The following TESK2 variants were observed in gnomAD, a reference collection of about 807,000 sequenced individuals.
TESK2 encodes dual specificity testis-specific protein kinase 2.
In TESK2, 39 loss-of-function variants were observed where a neutral mutation model predicts 57.1. That is an observed-to-expected ratio of 0.68 (90% CI 0.53 to 0.89). The LOEUF (loss-of-function observed/expected upper bound fraction) is 0.89. Among genes scored for constraint, TESK2 ranks in the 40% least tolerant of loss-of-function variants. The pLI is 0.00. For missense variants in TESK2, 646 were observed against 732.1 expected (o/e 0.88, Z 1.36); for synonymous variants, 249 against 267.9 (o/e 0.93, Z 0.69).
rs374712554 is a variant in TESK2 at position 45,345,764 on chromosome 1, C to A, written c.997+113G>T. ...ACTTTCTGCATCATCTCCTTCCCCT[C>A]CCATTTGTTTCTGGACCTGGGATCC... is the stretch of plus-strand genomic sequence containing the variant. On this transcript the variant is annotated intron_variant, in intron 10 of 10. Coordinates refer to ENST00000372086, the MANE Select transcript of TESK2 (RefSeq NM_007170.3). 6.2e-5 allele frequency: 60 copies of A among 969,806 alleles called. 1 individual carries two copies. The African/African-American group carries it at 8.9e-4, about 14-fold the overall frequency. 60.1% of individuals were successfully genotyped at this position (969,806 alleles called of 1,614,324 possible).
rs780815123 is a variant in TESK2 at position 45,344,843 on chromosome 1, C to T, written c.1713G>A (p.Gly571=). The T allele has an allele frequency of 3.7e-6, 6 of 1,611,736 alleles. No homozygotes were observed. The highest frequency in any genetic ancestry group is 1.7e-5 in the Admixed American group (1 of 59,956). The change falls in exon 11 of 11, where the codon GGG becomes GGA. Residue 571 remains glycine, a synonymous_variant. Coordinates refer to ENST00000372086, the MANE Select transcript of TESK2 (RefSeq NM_007170.3). The part of the protein sequence containing the change: ...IGLQTQGKQD[G] The stretch of plus-strand genomic sequence containing the variant: ...GTGAGGCAGGGACTAAACCCCCTCA[C>T]CCATCCTGCTTTCCCTGGGTTTGCA...
At chr1:45,427,224 G>C (rs1650732428) in intron 2 of TESK2, among the ~76,000 whole-genome samples, 1 of 134,898 alleles carries the variant, frequency 7.4e-6, no homozygotes, top group African/African-American at 3.0e-5. Flanking sequence ...GCCTCAGCAA[G>C]ACTCTGTCTC....
chr1:45,345,949 G>C lies in TESK2; in HGVS notation c.925C>G (p.Leu309Val). 1 of 1,614,088 alleles carries C rather than the reference G, an allele frequency of 6.2e-7. No individual in the cohort carries two copies. Among genetic ancestry groups the C allele is most frequent in the Non-Finnish European group, 8.5e-7 (1 of 1,180,014 alleles). ...TGTAGGCGGCTCAGAATTTCCTCCAGGGTCTTCCCAATCTCCACAAAAGAT... is the reference window on the plus strand; with the variant it reads ...TGTAGGCGGCTCAGAATTTCCTCCACGGTCTTCCCAATCTCCACAAAAGAT... ...RPSFVEIGKT[L>V]EEILSRLQEE... is the part of the protein sequence containing the mutation. Residue 309 changes from leucine (L) to valine (V), a missense_variant, in exon 10 of 11, where the codon CTG becomes GTG. By Grantham distance (32) the Leu-to-Val change is conservative. Coordinates refer to ENST00000372086, the MANE Select transcript of TESK2 (RefSeq NM_007170.3).
At chr1:45,400,621 C>T (rs1400183143) in intron 3 of TESK2, among the ~76,000 whole-genome samples, 1 of 152,156 alleles carries the variant, frequency 6.6e-6, no homozygotes, top group Admixed American at 6.5e-5. Flanking sequence ...TGGTGGCATT[C>T]GCATTCAGTC....
At chr1:45,435,640 T>A (rs1267035970) in intron 2 of TESK2, among the ~76,000 whole-genome samples, 4 of 141,852 alleles carry the variant, frequency 2.8e-5, no homozygotes. Flanking sequence ...TTTTTTTTTT[T>A]AAGACCCAGA....
intron 2 of TESK2, among the ~76,000 whole-genome samples, chr1:45,430,613 G>A (rs914567008): frequency 2.6e-5 from 4 of 152,236 alleles, no homozygotes; most frequent in African/African-American, 9.6e-5. Flanking sequence ...GTTAGTTTGT[G>A]TTGTGAGAGA....
rs140861737 is a variant in TESK2 at position 45,448,370 on chromosome 1, G to A, written c.222+9194C>T. Among the ~76,000 whole-genome samples, 19 of 152,112 alleles carry A rather than the reference G, an allele frequency of 1.2e-4. No individual in the cohort carries two copies. The East Asian group carries it at 3.7e-3, about 29-fold the overall frequency. Reference sequence around the variant, plus strand: ...ATACTCAACATCATATGTTGTGTTAGGCCATACTTGCACTGCTATAAAGAA... The same window carrying A: ...ATACTCAACATCATATGTTGTGTTAAGCCATACTTGCACTGCTATAAAGAA... On this transcript the variant is annotated intron_variant, in intron 2 of 10. Transcript: ENST00000372086.
chr1:45,405,483 C>T (rs1649801514), intron 3 of TESK2, among the ~76,000 whole-genome samples: 2 of 151,496 alleles, frequency 1.3e-5, no homozygotes, highest in South Asian at 2.1e-4. Flanking sequence ...ATATCCCTCA[C>T]CGATTTCCTC....
chr1:45,348,309 C>T (rs1041851600), intron 5 of TESK2, among the ~76,000 whole-genome samples: 2 of 152,222 alleles, frequency 1.3e-5, no homozygotes, highest in Non-Finnish European at 2.9e-5. Flanking sequence ...ACAACCAAAA[C>T]CCTTGTCCTC....
intron 4 of TESK2, among the ~76,000 whole-genome samples, chr1:45,357,232 AATAAATAAATGT>A (rs1179225249): frequency 7.5e-6 from 1 of 133,644 alleles, no homozygotes; most frequent in Non-Finnish European, 1.7e-5. Context: ...TAAATAAATA[AATAAATAAATGT>A]ATGTATGTAT....
intron 1 of TESK2, among the ~76,000 whole-genome samples, chr1:45,462,125 T>G (rs1276777434): frequency 1.3e-5 from 2 of 152,152 alleles, no homozygotes; most frequent in Non-Finnish European, 2.9e-5. Flanking sequence ...ACCATCATTC[T>G]ATTCTCTATC....
intron 3 of TESK2, among the ~76,000 whole-genome samples, chr1:45,418,857 G>A (rs1229718444): frequency 6.6e-6 from 1 of 151,836 alleles, no homozygotes; most frequent in Non-Finnish European, 1.5e-5. Flanking sequence ...CGACATGCCT[G>A]CATCAAAATA....
At chr1:45,462,226 C>T (rs1254138408) in intron 1 of TESK2, among the ~76,000 whole-genome samples, 1 of 151,992 alleles carries the variant, frequency 6.6e-6, no homozygotes, top group Non-Finnish European at 1.5e-5. Flanking sequence ...TTTCACTTAA[C>T]ATGATGTCCT....
chr1:45,425,982 T>C (rs1386877669), intron 2 of TESK2, among the ~76,000 whole-genome samples: 1 of 142,594 alleles, frequency 7.0e-6, no homozygotes, highest in Non-Finnish European at 1.5e-5. Context: ...CTGTCTCTAC[T>C]AAAAAAAAAA....
At position 45,379,839 on chromosome 1, in the gene TESK2, T is replaced by C. The variant is rs185381296; in HGVS notation, c.393+6073A>G. 4.6e-4 allele frequency among the ~76,000 whole-genome samples: 70 copies of C among 152,350 alleles called. 1 individual carries two copies. Among genetic ancestry groups the C allele is most frequent in the Middle Eastern group, 3.4e-3 (1 of 294 alleles). On this transcript the variant is annotated intron_variant, in intron 4 of 10. Coordinates refer to ENST00000372086, the MANE Select transcript of TESK2 (RefSeq NM_007170.3). ...CAAGGAATATTCTGCAACTGCAGAA[T>C]TGGCTGAGTGGTTCTCATCGCCACA... is the stretch of plus-strand genomic sequence containing the variant.
intron 4 of TESK2, 144 bp downstream of exon 4, chr1:45,385,768 A>C (rs1368262049): frequency 3.1e-6 from 1 of 320,760 alleles, no homozygotes; most frequent in Non-Finnish European, 5.8e-6. Context: ...CAGGCAACAG[A>C]ATAAAGCATT....
intron 1 of TESK2, among the ~76,000 whole-genome samples, chr1:45,484,464 G>A (rs773961947): frequency 2.0e-5 from 3 of 151,996 alleles, no homozygotes; most frequent in East Asian, 3.9e-4. Flanking sequence ...GGCCGAACGC[G>A]GTGGCTCATG....
At position 45,380,403 on chromosome 1, in the gene TESK2, G is replaced by A. The variant is rs574232657; in HGVS notation, c.393+5509C>T. ...GGTTCCCAAACTGCTTGATTTTGAC[G>A]GTATTTCCTTCTCTGTGCCTTTCTT... On this transcript the variant is annotated intron_variant, in intron 4 of 10. Coordinates refer to ENST00000372086, the MANE Select transcript of TESK2 (RefSeq NM_007170.3). Among the ~76,000 whole-genome samples the A allele has an allele frequency of 8.4e-4, 128 of 152,096 alleles. 1 individual carries two copies. Among genetic ancestry groups the A allele is most frequent in the African/African-American group, 3.0e-3 (126 of 41,486 alleles).
intron 1 of TESK2, among the ~76,000 whole-genome samples, chr1:45,470,524 T>C (rs187816021): frequency 3.3e-4 from 51 of 152,336 alleles, no homozygotes; most frequent in African/African-American, 1.0e-3. Flanking sequence ...CACAATGGCA[T>C]ATATTAGTAC....
Sources: gnomAD v4.1 joint callset for allele counts (sites outside exome capture counted in the v4.1 genomes callset) on GRCh38, gnomAD v4.1.1 for gene constraint, MANE v1.5 for transcripts, NCBI Gene and HGNC (gene_info 2026-07-23, HGNC 2026-07-21) for gene names.